The following PDLIM5 variants were observed in gnomAD, a reference collection of about 807,000 sequenced individuals.
The protein encoded by PDLIM5 is PDZ and LIM domain 5, also known as PDZ and LIM domain protein 5.
Under a neutral mutation model 64.2 loss-of-function variants are expected in PDLIM5, and 34 were observed. The ratio of observed to expected loss-of-function variants is 0.53; its 90% CI spans 0.40 to 0.71. The LOEUF (loss-of-function observed/expected upper bound fraction) is 0.71. PDLIM5 is among the 30% of genes least tolerant of loss of function. PDLIM5 has a pLI of 0.00. For synonymous variants in PDLIM5, 253 were observed against 269.1 expected, an observed-to-expected ratio of 0.94 and a Z score of 0.59; for missense variants, 683 against 733.6, an observed-to-expected ratio of 0.93 and a Z score of 0.80.
At chr4:94,567,016 C>T (rs1172364716) in intron 3 of PDLIM5, among the ~76,000 whole-genome samples, 2 of 152,202 alleles carry the variant, frequency 1.3e-5, no homozygotes, top group Admixed American at 6.5e-5. Context: ...TTTTATGAGA[C>T]GGAGTCTCGC....
intron 8 of PDLIM5, among the ~76,000 whole-genome samples, chr4:94,620,993 C>T (rs890785489): frequency 6.1e-5 from 8 of 131,502 alleles, no homozygotes; most frequent in Non-Finnish European, 9.0e-5. Flanking sequence ...ATCACTTGAA[C>T]CCAGGAGGCG....
intron 2 of PDLIM5, among the ~76,000 whole-genome samples, chr4:94,479,271 C>T (rs1302392348): frequency 3.3e-5 from 5 of 150,670 alleles, no homozygotes; most frequent in Non-Finnish European, 7.4e-5. Flanking sequence ...CTATTTATTT[C>T]CTATTATTGG....
intron 3 of PDLIM5, among the ~76,000 whole-genome samples, chr4:94,551,332 C>A (rs1732788718): frequency 6.6e-6 from 1 of 152,096 alleles, no homozygotes; most frequent in South Asian, 2.1e-4. Context: ...TAGTCTGAAA[C>A]TACTAGATTT....
At chr4:94,576,116 C>G (rs1165955267) in intron 5 of PDLIM5, 82 bp downstream of exon 5, 4 of 1,188,986 alleles carry the variant, frequency 3.4e-6, no homozygotes, top group Admixed American at 2.3e-5. Context: ...TTCCTCTCCC[C>G]CAAAACCAAC....
At chr4:94,508,787 TG>T (rs1413740260) in intron 2 of PDLIM5, among the ~76,000 whole-genome samples, 1 of 152,220 alleles carries the variant, frequency 6.6e-6, no homozygotes, top group Non-Finnish European at 1.5e-5. Context: ...TTACTTTCAA[TG>T]GCAAAAACTG....
At chr4:94,495,508 T>C (rs1578251679) in intron 2 of PDLIM5, among the ~76,000 whole-genome samples, 1 of 151,448 alleles carries the variant, frequency 6.6e-6, no homozygotes, top group Admixed American at 6.6e-5. Flanking sequence ...TGGAGCTTAG[T>C]TGAAAAAAAA....
At position 94,566,340 on chromosome 4, in the gene PDLIM5, A is replaced by C. The variant is rs1379611892; in HGVS notation, c.249-7011A>C. 2.6e-5 allele frequency among the ~76,000 whole-genome samples: 4 copies of C among 152,220 alleles called. No homozygotes were observed. The East Asian group carries it at 7.7e-4, about 29-fold the overall frequency. ...AATTATTGGCATTTGGTAGGTACTC[A>C]TTAAGTGATATTTTCTTGCTTATCT... On this transcript the variant is annotated intron_variant, in intron 3 of 12. Coordinates refer to ENST00000317968, the MANE Select transcript of PDLIM5 (RefSeq NM_006457.5).
At chr4:94,518,116 C>T (rs149728347) in intron 2 of PDLIM5, among the ~76,000 whole-genome samples, 450 of 152,128 alleles carry the variant, frequency 3.0e-3, no homozygotes, top group African/African-American at 9.8e-3. Flanking sequence ...AAACATCGTG[C>T]CTTTTTATGG....
chr4:94,523,879 A>G lies in PDLIM5; in HGVS notation c.248+4A>G. The G allele has an allele frequency of 6.2e-7, 1 of 1,608,364 alleles. No individual in the cohort carries two copies. The highest frequency in any genetic ancestry group is 2.2e-5 in the East Asian group (1 of 44,814). On this transcript the variant is annotated splice_donor_region_variant and intron_variant, in intron 3 of 12. Transcript: ENST00000317968. Reference sequence around the variant, plus strand: ...CTTTGAATATGACTCTGCAAAGGTAAGTTGCTTTTTGTTTGTCCCTGAAAG... The same window carrying G: ...CTTTGAATATGACTCTGCAAAGGTAGGTTGCTTTTTGTTTGTCCCTGAAAG...
chr4:94,504,420 G>A (rs1290823482), intron 2 of PDLIM5, among the ~76,000 whole-genome samples: 1 of 152,012 alleles, frequency 6.6e-6, no homozygotes, highest in Non-Finnish European at 1.5e-5. Context: ...CCGAGTAGCT[G>A]GGATTACAGG....
intron 7 of PDLIM5, chr4:94,587,883 CATAAA>C (rs2110321698): frequency 1.1e-6 from 1 of 883,580 alleles, no homozygotes; most frequent in South Asian, 5.2e-5. Context: ...ATCAGAAGAA[CATAAA>C]ATAAATTACA....
At chr4:94,531,413 A>G (rs56270201) in intron 3 of PDLIM5, among the ~76,000 whole-genome samples, 141 of 152,332 alleles carry the variant, frequency 9.3e-4, no homozygotes, top group African/African-American at 2.6e-3. Context: ...AGGTGAATAT[A>G]TAATGCCTTA....
intron 7 of PDLIM5, among the ~76,000 whole-genome samples, chr4:94,602,779 C>T (rs1344126523): frequency 6.6e-6 from 1 of 152,060 alleles, no homozygotes; most frequent in Non-Finnish European, 1.5e-5. Context: ...TTTTGTTCTC[C>T]TCATTCCACT....
At chr4:94,488,053 T>G (rs1726511204) in intron 2 of PDLIM5, among the ~76,000 whole-genome samples, 1 of 152,236 alleles carries the variant, frequency 6.6e-6, no homozygotes, top group Non-Finnish European at 1.5e-5. Context: ...TTAAGTTGTG[T>G]GTTTGTGTTA....
At chr4:94,658,595 G>A (rs115470128) in intron 11 of PDLIM5, among the ~76,000 whole-genome samples, 88 of 152,272 alleles carry the variant, frequency 5.8e-4, no homozygotes, top group African/African-American at 2.0e-3. Flanking sequence ...GATAGAAGGA[G>A]GTATTCCAAA....
At chr4:94,503,167 C>T (rs1230532606) in intron 2 of PDLIM5, among the ~76,000 whole-genome samples, 1 of 152,134 alleles carries the variant, frequency 6.6e-6, no homozygotes, top group East Asian at 1.9e-4. Context: ...AACTGATAGT[C>T]ACAAAACAGA....
chr4:94,521,770 A>G (rs1329944354), intron 2 of PDLIM5, among the ~76,000 whole-genome samples: 5 of 152,054 alleles, frequency 3.3e-5, no homozygotes, highest in Non-Finnish European at 5.9e-5. Flanking sequence ...ACAAATGCCC[A>G]TAGATTTCAG....
chr4:94,610,086 C>T (rs1386856035), intron 7 of PDLIM5: 12 of 778,128 alleles, frequency 1.5e-5, no homozygotes, highest in East Asian at 2.8e-5. Flanking sequence ...AATGGTTGCT[C>T]TCTTGTATTT....
intron 9 of PDLIM5, among the ~76,000 whole-genome samples, chr4:94,643,811 CAT>C (rs1741193240): frequency 6.6e-6 from 1 of 152,190 alleles, no homozygotes. Context: ...AAACCTCTCT[CAT>C]AAGGAGCACC....
Sources: allele counts gnomAD v4.1 joint callset (sites outside exome capture counted in the v4.1 genomes callset), GRCh38; gene constraint gnomAD v4.1.1; transcripts MANE v1.5; gene names NCBI Gene and HGNC (gene_info 2026-07-23, HGNC 2026-07-21).